TENM1: variants seen among roughly 807,000 people sequenced by gnomAD.
TENM1 encodes teneurin-1.
TENM1 carries 35 observed loss-of-function variants against 174.8 expected under a neutral mutation model. The ratio of observed to expected loss-of-function variants is 0.20; its 90% CI spans 0.15 to 0.27. The LOEUF is 0.27. Ranked by LOEUF, TENM1 falls within the 10% of genes least tolerant of loss-of-function variation. TENM1 has a pLI of 1.00. For synonymous variants in TENM1, 781 were observed against 798.7 expected (o/e 0.98, Z 0.37); for missense variants, 1,633 against 2,130.1 (o/e 0.77, Z 4.59).
chrX:124,542,153 G>A (rs1029931986), intron 15 of TENM1, among the ~76,000 whole-genome samples: 4 of 112,539 alleles, frequency 3.6e-5, no homozygotes, highest in Non-Finnish European at 7.5e-5. Flanking sequence ...AGCCATGCTA[G>A]CCATGCCTTA....
the TENM1 span, among the ~76,000 whole-genome samples, chrX:125,043,311 T>A: frequency 1.0e-4 from 1 of 9,687 alleles, no homozygotes; most frequent in Non-Finnish European, 1.9e-4. Flanking sequence ...CTCAAACAAA[T>A]TTACAAGAAA....
intron 5 of TENM1, among the ~76,000 whole-genome samples, chrX:124,683,919 C>A (rs909502596): frequency 9.0e-6 from 1 of 111,641 alleles, no homozygotes; most frequent in Admixed American, 9.5e-5. Context: ...AATAATATGG[C>A]AGTATTTTAG....
At chrX:124,631,890 A>C (rs1280316790) in intron 11 of TENM1, among the ~76,000 whole-genome samples, 1 of 94,702 alleles carries the variant, frequency 1.1e-5, no homozygotes, top group Non-Finnish European at 2.0e-5. Flanking sequence ...CTCTGTCTCA[A>C]AAAAAAAAAA....
chrX:124,754,168 T>C (rs2054163695), intron 3 of TENM1, among the ~76,000 whole-genome samples: 1 of 111,535 alleles, frequency 9.0e-6, no homozygotes, highest in East Asian at 2.8e-4. Flanking sequence ...TTTCAGAGCC[T>C]GTTATTGGTC....
At chrX:124,734,245 T>C (rs1252286887) in intron 4 of TENM1, among the ~76,000 whole-genome samples, 1 of 111,399 alleles carries the variant, frequency 9.0e-6, no homozygotes, top group Non-Finnish European at 1.9e-5. Flanking sequence ...AGGTCCGGAA[T>C]TCAAGACCAG....
At chrX:124,471,763 A>C (rs2061336806) in intron 22 of TENM1, among the ~76,000 whole-genome samples, 1 of 96,495 alleles carries the variant, frequency 1.0e-5, no homozygotes, top group African/African-American at 3.8e-5. Context: ...ATATATACTT[A>C]TATAATATAC....
the TENM1 span, among the ~76,000 whole-genome samples, chrX:125,133,298 G>A: frequency 8.9e-6 from 1 of 111,756 alleles, no homozygotes; most frequent in African/African-American, 3.3e-5. Context: ...CACCGTGTCC[G>A]GCCTTCTTAC....
At chrX:125,167,560 C>T in the TENM1 span, among the ~76,000 whole-genome samples, 3 of 111,059 alleles carry the variant, frequency 2.7e-5, no homozygotes, top group Admixed American at 1.9e-4. Flanking sequence ...ACCTCACTTC[C>T]TTCTTGTTAA....
rs188530494 is a variant in TENM1 at position 124,378,442 on chromosome X, T to G, written c.*2094A>C. ...AGGTTCTAGGAACTTAAGGTCCATT[T>G]TTAGGTTGGTGTGGAGGTATTCAAA... On this transcript the variant is annotated 3_prime_UTR_variant, in exon 32 of 32. Transcript: ENST00000422452. 21 of 112,555 alleles carry G rather than the reference T, an allele frequency of 1.9e-4. No homozygotes were observed. The East Asian group carries it at 5.9e-3, about 31-fold the overall frequency. The allele number at this position is 112,555 out of a possible 1,213,427, so 9.3% of individuals were successfully genotyped here. A position where few individuals can be genotyped will look rare whatever the true frequency, so the allele number is the denominator to read the frequency against.
At chrX:124,982,465 T>C in the TENM1 span, among the ~76,000 whole-genome samples, 1 of 111,196 alleles carries the variant, frequency 9.0e-6, no homozygotes, top group Non-Finnish European at 1.9e-5. Context: ...CTACCTCTTA[T>C]CCAGCAGGGA....
rs3028397 is a variant in TENM1 at position 124,382,938 on chromosome X, CTATTTATT to C, written c.7298-134_7298-127del. Reference sequence around the variant, plus strand: ...GCAATAGAAGTTAGGAATAAAACTCCTATTTATTTATTTATTTATTTATTTATTTATTT... The same window carrying C: ...GCAATAGAAGTTAGGAATAAAACTCCTATTTATTTATTTATTTATTTATTT... On this transcript the variant is annotated intron_variant, in intron 30 of 31. Coordinates refer to ENST00000422452, the Ensembl canonical transcript of TENM1. 454 of 139,753 alleles carry C rather than the reference CTATTTATT, an allele frequency of 3.2e-3. 3 individuals are homozygous for C. Among genetic ancestry groups the C allele is most frequent in the African/African-American group, 0.011 (295 of 26,926 alleles). The allele number at this position is 139,753 out of a possible 1,213,427, so 11.5% of individuals were successfully genotyped here.
At chrX:124,716,676 T>A (rs2053189966) in intron 4 of TENM1, among the ~76,000 whole-genome samples, 1 of 111,881 alleles carries the variant, frequency 8.9e-6, no homozygotes, top group Non-Finnish European at 1.9e-5. Flanking sequence ...AAATGTTAAT[T>A]GAATGTAGGC....
the TENM1 span, among the ~76,000 whole-genome samples, chrX:125,186,030 CCTTT>C: frequency 2.3e-4 from 26 of 111,005 alleles, no homozygotes; most frequent in African/African-American, 7.8e-4. Flanking sequence ...TATTCAATTT[CCTTT>C]TTTTTTCAAT....
chrX:125,043,100 G>T, the TENM1 span, among the ~76,000 whole-genome samples: 3 of 105,963 alleles, frequency 2.8e-5, no homozygotes, highest in South Asian at 1.3e-3. Flanking sequence ...GGACATAGGC[G>T]TGGGCAAGGA....
At chrX:124,687,953 C>T (rs775334585) in intron 5 of TENM1, among the ~76,000 whole-genome samples, 2 of 112,264 alleles carry the variant, frequency 1.8e-5, no homozygotes, top group African/African-American at 6.5e-5. Context: ...GTTTCAGTTA[C>T]ACAGGATTAG....
intron 14 of TENM1, among the ~76,000 whole-genome samples, chrX:124,560,191 TTGTGTGTGTGTGTG>T (rs375476919): frequency 0.013 from 1,141 of 88,201 alleles, 20 homozygotes; most frequent in African/African-American, 0.046. Context: ...TCTCTTCTAT[TTGTGTGTGTGTGTG>T]TGTGTGTGTG....
exon 32 of TENM1, chrX:124,376,746 T>G (rs2060107206): frequency 9.0e-6 from 1 of 111,341 alleles, no homozygotes; most frequent in African/African-American, 3.3e-5. Context: ...TTTTTTTTGT[T>G]TTTTTGTTTT....
At chrX:125,182,750 C>T in the TENM1 span, among the ~76,000 whole-genome samples, 2 of 110,974 alleles carry the variant, frequency 1.8e-5, no homozygotes, top group African/African-American at 3.3e-5. Context: ...ATGCCTGGCA[C>T]ACTGTAGAGA....
chrX:124,896,263 A>G (rs764809745), intron 1 of TENM1, 22 bp from the exon 5 acceptor site: 10 of 1,195,864 alleles, frequency 8.4e-6, no homozygotes, highest in African/African-American at 3.5e-5. Flanking sequence ...CAAAGTTCAG[A>G]GAAAACGTTT....
Sources: allele counts gnomAD v4.1 joint callset (sites outside exome capture counted in the v4.1 genomes callset), GRCh38; gene constraint gnomAD v4.1.1; transcripts MANE v1.5; gene names NCBI Gene and HGNC (gene_info 2026-07-23, HGNC 2026-07-21).